Variants in TBXAS1 observed in about 807,000 individuals in gnomAD.
TBXAS1 encodes thromboxane-A synthase.
Under a neutral mutation model 60.7 loss-of-function variants are expected in TBXAS1, and 48 were observed. The ratio of observed to expected loss-of-function variants is 0.79; its 90% confidence interval spans 0.63 to 1.01. The LOEUF (loss-of-function observed/expected upper bound fraction) is 1.01. TBXAS1 is among the 50% of genes least tolerant of loss of function. The pLI is 0.00. For synonymous variants in TBXAS1, 287 were observed against 269.7 expected, an observed-to-expected ratio of 1.06 and a Z score of -0.63; for missense variants, 685 against 686.3, an observed-to-expected ratio of 1.00 and a Z score of 0.02.
intron 5 of TBXAS1, among the ~76,000 whole-genome samples, chr7:139,943,923 C>T (rs953628362): frequency 6.6e-6 from 1 of 152,104 alleles, no homozygotes; most frequent in Admixed American, 6.6e-5. Flanking sequence ...CCACCCCCAG[C>T]AGCTGACCCT....
At chr7:139,804,547 CA>C (rs1435526322) in intron 4 of TBXAS1, among the ~76,000 whole-genome samples, 3 of 150,776 alleles carry the variant, frequency 2.0e-5, no homozygotes, top group African/African-American at 5.0e-5. Context: ...TGGGAGGGGC[CA>C]GGGGCAGAAT....
intron 1 of TBXAS1, among the ~76,000 whole-genome samples, chr7:139,846,169 A>T (rs1488903864): frequency 6.6e-6 from 1 of 152,184 alleles, no homozygotes; most frequent in Non-Finnish European, 1.5e-5. Context: ...TGCAAAGGTG[A>T]CAGCTCAACC....
At chr7:139,792,584 T>TA (rs760098900) in intron 4 of TBXAS1, among the ~76,000 whole-genome samples, 3 of 152,208 alleles carry the variant, frequency 2.0e-5, no homozygotes, top group African/African-American at 4.8e-5. Flanking sequence ...TACAGGTGGT[T>TA]ATTCTTGAGG....
chr7:139,970,468 C>T (rs1811118352), intron 9 of TBXAS1, among the ~76,000 whole-genome samples: 1 of 152,254 alleles, frequency 6.6e-6, no homozygotes, highest in Admixed American at 6.5e-5. Context: ...ATGGCCCACA[C>T]TATGTACAAG....
intron 4 of TBXAS1, among the ~76,000 whole-genome samples, chr7:139,805,656 TTTTCTCTTTC>T (rs1371313160): frequency 1.4e-5 from 2 of 139,918 alleles, no homozygotes; most frequent in Non-Finnish European, 3.1e-5. Context: ...CCTCCCTTCT[TTTTCTCTTTC>T]TTTCTTTCTT....
At chr7:139,951,998 GAAAGAAAGAAAGAAAA>G (rs1569518449) in intron 5 of TBXAS1, among the ~76,000 whole-genome samples, 16 of 148,736 alleles carry the variant, frequency 1.1e-4, no homozygotes, top group African/African-American at 3.0e-4. Flanking sequence ...AAGAAAGAAA[GAAAGAAAGAAAGAAAA>G]AGAAAGGAAG....
chr7:139,783,733 A>T (rs921440146), intron 3 of TBXAS1, among the ~76,000 whole-genome samples: 1 of 152,196 alleles, frequency 6.6e-6, no homozygotes, highest in Non-Finnish European at 1.5e-5. Flanking sequence ...TGAAGTTTCA[A>T]TTGTAAGGTT....
chr7:139,968,996 C>G (rs1408350432), intron 9 of TBXAS1, among the ~76,000 whole-genome samples: 2 of 152,150 alleles, frequency 1.3e-5, no homozygotes, highest in South Asian at 2.1e-4. Context: ...TAAATTGTGT[C>G]TTCTATAGCT....
rs2284202 is a variant in TBXAS1 at position 139,896,024 on chromosome 7, G to T, written c.237-15201G>T. On this transcript the variant is annotated intron_variant, in intron 3 of 12. Coordinates refer to ENST00000448866, the MANE Select transcript of TBXAS1 (RefSeq NM_001061.7). The surrounding 1 kb of genome is among the most constrained non-coding windows in gnomAD (Gnocchi z 4.0). ...TTCAAGTCTGGCTTCAGAGTTGAAA[G>T]CTCCTTCTGCCAGGAGGAGTAATAG... is the stretch of plus-strand genomic sequence containing the variant. 6.6e-6 allele frequency among the ~76,000 whole-genome samples: 1 copy of T among 151,968 alleles called. No individual in the cohort carries two copies. The highest frequency in any genetic ancestry group is 2.4e-5 in the African/African-American group (1 of 41,368).
rs148326653 is a variant in TBXAS1, at chr7:139,833,087, A to C, written c.89+3608A>C. 1.4e-3 allele frequency among the ~76,000 whole-genome samples: 212 copies of C among 152,258 alleles called. 1 individual carries two copies. Among genetic ancestry groups the C allele is most frequent in the African/African-American group, 4.8e-3 (201 of 41,552 alleles). ...AAGCAAAAAACAACAACAACAAAAA[A>C]AACCAAAGTACAGAGGCAACAAAGA... On this transcript the variant is annotated intron_variant, in intron 1 of 12. Coordinates refer to ENST00000448866, the MANE Select transcript of TBXAS1 (RefSeq NM_001061.7).
intron 9 of TBXAS1, among the ~76,000 whole-genome samples, chr7:139,972,813 C>T (rs2117453685): frequency 6.6e-6 from 1 of 152,252 alleles, no homozygotes. Flanking sequence ...TAGGAAGCCT[C>T]GTCCGCTGGG....
At position 139,852,134 on chromosome 7, in the gene TBXAS1, C is replaced by T. The variant is rs1001843215; in HGVS notation, c.90-20101C>T. Among the ~76,000 whole-genome samples, 15 of 152,214 alleles carry T rather than the reference C, an allele frequency of 9.9e-5. No individual in the cohort carries two copies. Among genetic ancestry groups the T allele is most frequent in the African/African-American group, 2.7e-4 (11 of 41,464 alleles). ...ACCCAAAGCACCTAGCTGATCTGCT[C>T]GCAGACTCCTGACCCTCAGAATCTG... On this transcript the variant is annotated intron_variant, in intron 1 of 12. Transcript: ENST00000448866. The surrounding 1 kb of genome is among the most constrained non-coding windows in gnomAD (Gnocchi z 4.4).
intron 3 of TBXAS1, among the ~76,000 whole-genome samples, chr7:139,904,916 C>T (rs1176514992): frequency 2.6e-5 from 4 of 152,142 alleles, no homozygotes; most frequent in East Asian, 1.9e-4. Context: ...TCCTCTTTAG[C>T]GATACGGATG....
intron 1 of TBXAS1, among the ~76,000 whole-genome samples, chr7:139,853,236 G>A (rs1417235897): frequency 6.6e-6 from 1 of 152,010 alleles, no homozygotes. Flanking sequence ...TTTTCACAGG[G>A]GACTCAGAGC....
chr7:139,853,699 G>A (rs772906908), intron 1 of TBXAS1, among the ~76,000 whole-genome samples: 11 of 152,262 alleles, frequency 7.2e-5, no homozygotes, highest in Non-Finnish European at 1.5e-4. Flanking sequence ...GGAGGCAGAT[G>A]TCCCTCTTTC....
At chr7:139,891,673 T>C (rs1261338898) in intron 3 of TBXAS1, among the ~76,000 whole-genome samples, 1 of 152,214 alleles carries the variant, frequency 6.6e-6, no homozygotes, top group African/African-American at 2.4e-5. Context: ...ACTTGCTCTC[T>C]TGTTTGTGCT....
At chr7:139,953,838 T>C (rs1001150917) in intron 6 of TBXAS1, among the ~76,000 whole-genome samples, 4 of 152,344 alleles carry the variant, frequency 2.6e-5, no homozygotes, top group African/African-American at 9.6e-5. Flanking sequence ...CAAATTTAAA[T>C]AACTGATTAT....
chr7:139,853,615 C>T lies in TBXAS1; in HGVS notation c.90-18620C>T, dbSNP rs537657542. On this transcript the variant is annotated intron_variant, in intron 1 of 12. Coordinates refer to ENST00000448866, the MANE Select transcript of TBXAS1 (RefSeq NM_001061.7). ...ATCCTGTAACTGTTTCCTTTTATTA[C>T]GCAGGATCCAGAGGCAGGGGCAGCC... 5.3e-5 allele frequency among the ~76,000 whole-genome samples: 8 copies of T among 151,648 alleles called. No homozygotes were observed. In the East Asian group the frequency reaches 9.8e-4, roughly 19 times the overall value.
intron 3 of TBXAS1, among the ~76,000 whole-genome samples, chr7:139,895,710 G>A (rs1421725676): frequency 6.6e-6 from 1 of 152,234 alleles, no homozygotes; most frequent in Non-Finnish European, 1.5e-5. Context: ...TAGTTCAAAT[G>A]AAGTTTTTGG....
Sources: allele counts gnomAD v4.1 joint callset (sites outside exome capture counted in the v4.1 genomes callset), GRCh38; gene constraint gnomAD v4.1.1; non-coding constraint Gnocchi (gnomAD v3.1); transcripts MANE v1.5; gene names NCBI Gene and HGNC (gene_info 2026-07-23, HGNC 2026-07-21).